The following SCLT1 variants were observed in gnomAD, a reference collection of about 807,000 sequenced individuals.
SCLT1 encodes the protein sodium channel-associated protein 1.
A neutral mutation model predicts 112.8 loss-of-function variants in SCLT1; 78 were observed. That is an observed-to-expected ratio of 0.69 (90% CI 0.58 to 0.83). The LOEUF (loss-of-function observed/expected upper bound fraction) is 0.83, where lower values mean the gene tolerates loss of function less well. Ranked by LOEUF, SCLT1 falls within the 40% of genes least tolerant of loss-of-function variation. The probability of loss-of-function intolerance (pLI) is 0.00; values close to 1 mark genes in which losing one functional copy is unlikely to be tolerated. For synonymous variants in SCLT1, 257 were observed against 254.7 expected (o/e 1.01, Z -0.09); for missense variants, 747 against 770.4 (o/e 0.97, Z 0.36).
At chr4:128,896,822 T>A (rs2125929391) in intron 18 of SCLT1, among the ~76,000 whole-genome samples, 1 of 151,492 alleles carries the variant, frequency 6.6e-6, no homozygotes, top group South Asian at 2.1e-4. Flanking sequence ...TGCAGAGAAG[T>A]CCTTAAAGGA....
chr4:128,976,998 C>T (rs1213402779), intron 9 of SCLT1, among the ~76,000 whole-genome samples: 1 of 152,122 alleles, frequency 6.6e-6, no homozygotes, highest in Non-Finnish European at 1.5e-5. Flanking sequence ...CTCAGAGCTG[C>T]ACTTTAGAAA....
In SCLT1 at chr4:129,039,905, C is replaced by T. The variant is rs552921678; in HGVS notation, c.235-809G>A. On this transcript the variant is annotated intron_variant, in intron 4 of 20. Coordinates refer to ENST00000281142, the MANE Select transcript of SCLT1 (RefSeq NM_144643.4). Reference sequence around the variant, plus strand: ...AATGGAGAGTGTGCGCGCGCGCACACACACACACACACACACACACACACA... The same window carrying T: ...AATGGAGAGTGTGCGCGCGCGCACATACACACACACACACACACACACACA... 71 of 62,380 alleles carry T rather than the reference C, an allele frequency of 1.1e-3. No individual in the cohort carries two copies. The African/African-American group carries it at 0.023, about 20-fold the overall frequency. The allele number at this position is 62,380 out of a possible 1,614,324, so 3.9% of individuals were successfully genotyped here.
At chr4:129,043,558 A>G in intron 3 of SCLT1, 91 bp from the exon 4 acceptor site, 2 of 620,170 alleles carry the variant, frequency 3.2e-6, no homozygotes, top group Non-Finnish European at 5.6e-6. Context: ...TAAAAATTTT[A>G]TGTTTAGTTT....
At position 128,884,208 on chromosome 4, in the gene SCLT1, G is replaced by A. The variant is rs906098376; in HGVS notation, c.*269C>T. On this transcript the variant is annotated 3_prime_UTR_variant, in exon 21 of 21. Transcript: ENST00000281142. ...TATGTCCTTTCAAGGGAAAAAGGAG[G>A]AATTAAAAAACAGACACATTGATGA... is the stretch of plus-strand genomic sequence containing the variant. 1.3e-5 allele frequency: 4 copies of A among 306,288 alleles called. No homozygotes were observed. The highest frequency in any genetic ancestry group is 2.4e-5 in the Non-Finnish European group (4 of 169,032). 19.0% of individuals were successfully genotyped at this position (306,288 alleles called of 1,614,324 possible).
intron 2 of SCLT1, among the ~76,000 whole-genome samples, chr4:129,069,529 A>G (rs1224292897): frequency 2.0e-5 from 3 of 151,952 alleles, no homozygotes; most frequent in Non-Finnish European, 4.4e-5. Context: ...AGCTTTGTAA[A>G]AGGGGTCAAG....
At chr4:128,921,376 G>A (rs1405339012) in intron 18 of SCLT1, among the ~76,000 whole-genome samples, 4 of 152,126 alleles carry the variant, frequency 2.6e-5, no homozygotes, top group African/African-American at 9.7e-5. Flanking sequence ...GAACAAACTG[G>A]AGGCACCATG....
intron 9 of SCLT1, among the ~76,000 whole-genome samples, chr4:128,972,824 TA>T (rs1160376976): frequency 4.6e-5 from 7 of 152,252 alleles, no homozygotes; most frequent in African/African-American, 1.4e-4. Flanking sequence ...TCTTATCTGT[TA>T]AAAAAATTAT....
At chr4:129,012,755 T>G (rs567968611) in intron 5 of SCLT1, among the ~76,000 whole-genome samples, 2 of 151,556 alleles carry the variant, frequency 1.3e-5, no homozygotes, top group African/African-American at 4.8e-5. Flanking sequence ...TTGAATTGAA[T>G]TGAACCTTTT....
intron 5 of SCLT1, among the ~76,000 whole-genome samples, chr4:129,023,835 T>C (rs929326736): frequency 3.4e-4 from 51 of 152,178 alleles, no homozygotes; most frequent in Non-Finnish European, 1.5e-4. Flanking sequence ...ACTCCCACCC[T>C]AATACTGCGC....
intron 18 of SCLT1, 78 bp from the exon 19 acceptor site, chr4:128,891,215 T>A (rs1467585127): frequency 2.8e-6 from 3 of 1,089,468 alleles, no homozygotes; most frequent in Non-Finnish European, 4.1e-6. Context: ...AGATACATGT[T>A]CATGATTTGA....
chr4:128,965,119 A>G, intron 11 of SCLT1, 108 bp downstream of exon 11: 1 of 616,504 alleles, frequency 1.6e-6, no homozygotes, highest in East Asian at 2.9e-5. Flanking sequence ...TATAGTTTTG[A>G]TTTGGAGTTT....
intron 18 of SCLT1, among the ~76,000 whole-genome samples, chr4:128,919,197 T>TA (rs70938446): frequency 1.2e-4 from 18 of 150,630 alleles, no homozygotes; most frequent in South Asian, 6.3e-4. Context: ...CTCAGCAAAT[T>TA]AAAAAAAAAA....
rs544948938 is a variant in SCLT1, at chr4:129,024,048, G to C, written c.290+14993C>G. Among the ~76,000 whole-genome samples the C allele has an allele frequency of 3.7e-3, 569 of 152,322 alleles. 1 individual carries two copies. Among genetic ancestry groups the C allele is most frequent in the African/African-American group, 0.011 (471 of 41,588 alleles). ...ACAAAGCAGCCGGGAAGCTCGAACT[G>C]GGTGGAGCCCACCACAGCTCAAGGA... On this transcript the variant is annotated intron_variant, in intron 5 of 20. Transcript: ENST00000281142.
intron 18 of SCLT1, among the ~76,000 whole-genome samples, chr4:128,908,636 T>C (rs76936057): frequency 0.013 from 1,989 of 152,312 alleles, 43 homozygotes; most frequent in African/African-American, 0.046. Flanking sequence ...ATCTGGTTAA[T>C]AAAACCATAA....
chr4:129,091,649 G>A (rs1752831979), intron 1 of SCLT1, among the ~76,000 whole-genome samples: 1 of 152,130 alleles, frequency 6.6e-6, no homozygotes, highest in African/African-American at 2.4e-5. Context: ...TCATTATAGT[G>A]TCATTAATTA....
chr4:129,024,384 G>A (rs368761330), intron 5 of SCLT1, among the ~76,000 whole-genome samples: 3 of 152,274 alleles, frequency 2.0e-5, no homozygotes, highest in South Asian at 2.1e-4. Flanking sequence ...CAGCATTCGC[G>A]ATTCACGAAA....
chr4:129,065,702 T>C (rs1750419186), intron 2 of SCLT1, among the ~76,000 whole-genome samples: 2 of 152,080 alleles, frequency 1.3e-5, no homozygotes, highest in South Asian at 4.1e-4. Flanking sequence ...TATAATGTAA[T>C]TTATTGTAAT....
At chr4:128,951,615 T>C (rs1230718416) in intron 14 of SCLT1, among the ~76,000 whole-genome samples, 1 of 152,122 alleles carries the variant, frequency 6.6e-6, no homozygotes, top group Non-Finnish European at 1.5e-5. Flanking sequence ...ACTGGGGTAG[T>C]ACCCTTCTAC....
chr4:129,045,925 T>C (rs2125702723), intron 2 of SCLT1, among the ~76,000 whole-genome samples: 1 of 152,108 alleles, frequency 6.6e-6, no homozygotes, highest in Middle Eastern at 3.4e-3. Flanking sequence ...ATTGGATGGA[T>C]TGTAGAGTTA....
Sources: gnomAD v4.1 joint callset for allele counts (sites outside exome capture counted in the v4.1 genomes callset) on GRCh38, gnomAD v4.1.1 for gene constraint, MANE v1.5 for transcripts, NCBI Gene and HGNC (gene_info 2026-07-23, HGNC 2026-07-21) for gene names.